The following MSTO1 variants were observed in gnomAD, a reference collection of about 807,000 sequenced individuals.
MSTO1 encodes the protein misato mitochondrial distribution and morphology regulator 1.
Under a neutral mutation model 55.7 loss-of-function variants are expected in MSTO1, and 24 were observed. The observed-to-expected ratio is 0.43, with a 90% CI of 0.31 to 0.61. The LOEUF (loss-of-function observed/expected upper bound fraction) is 0.61, where lower values mean the gene tolerates loss of function less well. Ranked by LOEUF, MSTO1 falls within the 20% of genes least tolerant of loss-of-function variation. The pLI is 0.09. For missense variants in MSTO1, 363 were observed against 625.7 expected, an observed-to-expected ratio of 0.58 and a Z score of 4.48; for synonymous variants, 162 against 252.8, an observed-to-expected ratio of 0.64 and a Z score of 3.41.
chr1:155,587,046 C>T, the MSTO1 span, among the ~76,000 whole-genome samples: 3 of 152,214 alleles, frequency 2.0e-5, no homozygotes, highest in African/African-American at 7.2e-5. Context: ...CTATACCCAG[C>T]CTTGAATACT....
chr1:155,608,888 G>A (rs181931156), upstream of MSTO1, among the ~76,000 whole-genome samples: 31 of 151,192 alleles, frequency 2.1e-4, no homozygotes, highest in African/African-American at 5.8e-4. Context: ...GCAGTGGCGT[G>A]ATATCGGCTC....
At chr1:155,575,187 G>T in the MSTO1 span, among the ~76,000 whole-genome samples, 6 of 150,900 alleles carry the variant, frequency 4.0e-5, no homozygotes, top group East Asian at 1.2e-3. Flanking sequence ...CTTTCTATGA[G>T]TAAAAATAAA....
At chr1:155,584,470 C>A in the MSTO1 span, among the ~76,000 whole-genome samples, 1 of 151,754 alleles carries the variant, frequency 6.6e-6, no homozygotes, top group East Asian at 1.9e-4. Flanking sequence ...AGTTCAAGAC[C>A]AGCCTGGGCA....
the MSTO1 span, among the ~76,000 whole-genome samples, chr1:155,585,851 T>C: frequency 3.3e-5 from 5 of 152,188 alleles, no homozygotes; most frequent in Admixed American, 3.3e-4. Context: ...ATTCTATTTG[T>C]TGTTCTTATC....
In MSTO1 at chr1:155,612,273, G is replaced by C. The variant is rs761312666; in HGVS notation, c.770G>C (p.Gly257Ala). The C allele has an allele frequency of 6.3e-7, 1 of 1,592,044 alleles. No homozygotes were observed. Among genetic ancestry groups the C allele is most frequent in the Non-Finnish European group, 8.6e-7 (1 of 1,168,036 alleles). ...ELLQDEYSGR[G>A]IITWGLLPGP... ...CTACAAGATGAATATTCAGGGCGGG[G>C]AATAATAACCTGGGGCCTGCTACCT... Residue 257 changes from glycine (G) to alanine (A), a missense_variant, in exon 8 of 14, where the codon GGA (glycine) becomes GCA (alanine). Physicochemically the swap from Gly to Ala is moderately conservative, Grantham distance 60. Coordinates refer to ENST00000245564, the MANE Select transcript of MSTO1 (RefSeq NM_018116.4).
chr1:155,609,612 AAATG>A (rs1673407137), upstream of MSTO1, among the ~76,000 whole-genome samples: 1 of 152,214 alleles, frequency 6.6e-6, no homozygotes, highest in Non-Finnish European at 1.5e-5. Context: ...GCAGTGATGA[AAATG>A]AATTATAGAT....
At chr1:155,590,859 G>C in the MSTO1 span, 1 of 1,610,526 alleles carries the variant, frequency 6.2e-7, no homozygotes, top group Non-Finnish European at 8.5e-7. Flanking sequence ...TCCAGCAAAC[G>C]GGGATTAGTG....
At chr1:155,592,851 G>C in the MSTO1 span, among the ~76,000 whole-genome samples, 1 of 151,700 alleles carries the variant, frequency 6.6e-6, no homozygotes, top group African/African-American at 2.4e-5. Context: ...CCAGCTTACA[G>C]TTACTTTATA....
At position 155,613,043 on chromosome 1, in the gene MSTO1, CTT is replaced by C; in HGVS notation, c.1099-4_1099-3del. The C allele has an allele frequency of 6.2e-7, 1 of 1,613,776 alleles. No homozygotes were observed. Among genetic ancestry groups the C allele is most frequent in the South Asian group, 1.1e-5 (1 of 91,050 alleles). On this transcript the variant is annotated splice_region_variant and splice_polypyrimidine_tract_variant and intron_variant, in intron 10 of 13. Coordinates refer to ENST00000245564, the MANE Select transcript of MSTO1 (RefSeq NM_018116.4). Reference sequence around the variant, plus strand: ...TCCTATAACGTGTTCTCTTCCATCTCTTTAGGTGGTGACAGCAGGAGCAATCA... The same window carrying C: ...TCCTATAACGTGTTCTCTTCCATCTCTAGGTGGTGACAGCAGGAGCAATCA...
At chr1:155,591,786 G>A in the MSTO1 span, among the ~76,000 whole-genome samples, 75 of 149,602 alleles carry the variant, frequency 5.0e-4, no homozygotes, top group African/African-American at 1.7e-3. Flanking sequence ...GCGAAACTCC[G>A]TCTCAAAAAA....
the MSTO1 span, among the ~76,000 whole-genome samples, chr1:155,599,779 G>A: frequency 6.6e-6 from 1 of 152,202 alleles, no homozygotes; most frequent in Non-Finnish European, 1.5e-5. Context: ...TGGGGAGAGG[G>A]TCAACAGACA....
chr1:155,580,907 CAA>C, the MSTO1 span, among the ~76,000 whole-genome samples: 48,715 of 90,316 alleles, frequency 0.54, 9,797 homozygotes, highest in Middle Eastern at 0.66. Context: ...GACTCTGTCT[CAA>C]AAAAAAAAAA....
the MSTO1 span, among the ~76,000 whole-genome samples, chr1:155,594,827 G>C: frequency 6.6e-6 from 1 of 152,060 alleles, no homozygotes; most frequent in Non-Finnish European, 1.5e-5. Flanking sequence ...AAACATCAAA[G>C]ATTTAGAGAT....
the MSTO1 span, chr1:155,602,233 C>G: frequency 1.9e-6 from 1 of 518,892 alleles, no homozygotes; most frequent in African/African-American, 2.0e-5. Flanking sequence ...AATCACAGCA[C>G]TTTAGGAGAC....
the MSTO1 span, among the ~76,000 whole-genome samples, chr1:155,582,757 C>T: frequency 6.6e-6 from 1 of 152,132 alleles, no homozygotes; most frequent in African/African-American, 2.4e-5. Context: ...CCGCGCCCGG[C>T]CGGCTTATAG....
chr1:155,613,438 G>A (rs1167331925), intron 11 of MSTO1, 24 bp from the exon 12 acceptor site: 1 of 1,613,698 alleles, frequency 6.2e-7, no homozygotes, highest in East Asian at 2.2e-5. Flanking sequence ...CAGACTAATG[G>A]TGGTTTTGGC....
In MSTO1 at chr1:155,612,311, C is replaced by T. The variant is rs1339064134; in HGVS notation, c.808C>T (p.Arg270Cys). Residue 270 changes from arginine (R) to cysteine (C), a missense_variant, in exon 8 of 14, where the codon CGT (arginine) becomes TGT (cysteine). Physicochemically the swap from Arg to Cys is radical, Grantham distance 180. Coordinates refer to ENST00000245564, the MANE Select transcript of MSTO1 (RefSeq NM_018116.4). ...TWGLLPGPYH[R>C]GEAQRNIYRL... ...GGGCCTGCTACCTGGTCCCTACCAT[C>T]GTGGGGTGAGTGGAACTTAGAGAAG... 11 of 1,579,186 alleles carry T rather than the reference C, an allele frequency of 7.0e-6. No homozygotes were observed. Among genetic ancestry groups the T allele is most frequent in the South Asian group, 5.9e-5 (5 of 84,990 alleles).
upstream of MSTO1, among the ~76,000 whole-genome samples, chr1:155,608,345 G>A (rs939750488): frequency 1.3e-5 from 2 of 152,116 alleles, no homozygotes; most frequent in Admixed American, 6.5e-5. Flanking sequence ...CTTTTATAGA[G>A]AGGATAGGGG....
the MSTO1 span, among the ~76,000 whole-genome samples, chr1:155,587,972 G>C: frequency 3.9e-4 from 59 of 151,998 alleles, 1 homozygote; most frequent in African/African-American, 1.3e-3. Flanking sequence ...TTGGGAGGCC[G>C]AGGTGGGTGG....
Sources: allele counts gnomAD v4.1 joint callset (sites outside exome capture counted in the v4.1 genomes callset), GRCh38; gene constraint gnomAD v4.1.1; transcripts MANE v1.5; gene names NCBI Gene and HGNC (gene_info 2026-07-23, HGNC 2026-07-21).